STAG2: variants seen among roughly 807,000 people sequenced by gnomAD.
The protein encoded by STAG2 is STAG2 cohesin complex component.
A neutral mutation model predicts 108.1 loss-of-function variants in STAG2; 14 were observed. The observed-to-expected ratio is 0.13, with a 90% CI of 0.09 to 0.20. STAG2 has a LOEUF of 0.20. STAG2 is among the 10% of genes least tolerant of loss of function. STAG2 has a pLI of 1.00. For synonymous variants in STAG2, 307 were observed against 302.7 expected (o/e 1.01, Z -0.15); for missense variants, 440 against 940.9 (o/e 0.47, Z 6.96).
rs148609661 is a variant in STAG2 at position 124,041,426 on chromosome X, C to T, written c.386-1143C>T. 5.3e-3 allele frequency among the ~76,000 whole-genome samples: 575 copies of T among 109,353 alleles called. 4 individuals are homozygous for T. The highest frequency in any genetic ancestry group is 0.018 in the African/African-American group (539 of 30,060). The allele number at this position is 109,353 out of a possible 115,157, so 95.0% of individuals were successfully genotyped here. A position where few individuals can be genotyped will look rare whatever the true frequency, so the allele number is the denominator to read the frequency against. On this transcript the variant is annotated intron_variant, in intron 6 of 34. Coordinates refer to ENST00000371145, the MANE Select transcript of STAG2 (RefSeq NM_001042750.2). Reference sequence around the variant, plus strand: ...TTACAGCTATGTATATACACAGGCGCGCGCACACACACAGATGCATGCATA... The same window carrying T: ...TTACAGCTATGTATATACACAGGCGTGCGCACACACACAGATGCATGCATA...
chrX:124,050,868 G>C (rs774920076), intron 11 of STAG2, among the ~76,000 whole-genome samples: 2 of 111,530 alleles, frequency 1.8e-5, no homozygotes, highest in South Asian at 7.4e-4. Flanking sequence ...TTTCACAATA[G>C]ATTTGTTCTG....
chrX:124,063,701 C>T (rs2058444976), intron 19 of STAG2, 147 bp from the exon 20 acceptor site: 2 of 455,670 alleles, frequency 4.4e-6, no homozygotes, highest in Admixed American at 4.0e-5. Context: ...ATTTATTTAT[C>T]ATGATTAGAA....
intron 1 of STAG2, among the ~76,000 whole-genome samples, chrX:124,019,895 G>A (rs1027805781): frequency 3.9e-4 from 44 of 112,279 alleles, no homozygotes; most frequent in African/African-American, 1.4e-3. Context: ...TTGTGATTGC[G>A]CCACTGCACT....
chrX:123,986,160 T>C (rs768996352), intron 1 of STAG2, among the ~76,000 whole-genome samples: 2 of 107,035 alleles, frequency 1.9e-5, no homozygotes, highest in African/African-American at 6.7e-5. Flanking sequence ...ATGATATATA[T>C]GATACATATG....
intron 29 of STAG2, 110 bp from the exon 30 acceptor site, chrX:124,086,437 G>A: frequency 1.8e-6 from 1 of 541,711 alleles, no homozygotes; most frequent in East Asian, 3.5e-5. Flanking sequence ...TTAATGTCCT[G>A]TAAGGCTGAG....
intron 1 of STAG2, among the ~76,000 whole-genome samples, chrX:123,979,344 A>G (rs2147636236): frequency 9.0e-6 from 1 of 111,540 alleles, no homozygotes; most frequent in East Asian, 2.8e-4. Context: ...CTAGAATGTT[A>G]AGTGAGAGGA....
intron 1 of STAG2, chrX:123,963,342 A>C (rs1353135295): frequency 2.7e-5 from 3 of 111,555 alleles, no homozygotes; most frequent in Admixed American, 9.5e-5. Flanking sequence ...ATCTGAACTT[A>C]TTTTGTTAAA....
rs745329478 is a variant in STAG2, at chrX:124,049,047, A to G, written c.862A>G (p.Ile288Val). The G allele has an allele frequency of 1.9e-5, 23 of 1,199,370 alleles. No individual in the cohort carries two copies. The highest frequency in any genetic ancestry group is 1.6e-4 in the Admixed American group (7 of 45,031). ...QDEIENMMNA[I>V]FKGVFVHRYR... is the part of the protein sequence containing the mutation. ...TGAAATAGAAAATATGATGAATGCA[A>G]TATTTAAAGGAGTGTTTGTACATAG... Residue 288 changes from isoleucine (I) to valine (V), a missense_variant, in exon 10 of 35, where the codon ATA becomes GTA. Around this residue, in one of 3 missense-constraint regions of STAG2, gnomAD observed 69 missense variants for 254.9 expected, o/e 0.27. Coordinates refer to ENST00000371145, the MANE Select transcript of STAG2 (RefSeq NM_001042750.2).
At chrX:124,023,822 T>C (rs2057009018) in intron 3 of STAG2, among the ~76,000 whole-genome samples, 2 of 111,364 alleles carry the variant, frequency 1.8e-5, no homozygotes, top group South Asian at 7.6e-4. Flanking sequence ...AATAGGATAA[T>C]GAATAAAAGG....
At chrX:124,025,523 A>G (rs756865834) in intron 3 of STAG2, among the ~76,000 whole-genome samples, 3 of 111,181 alleles carry the variant, frequency 2.7e-5, no homozygotes, top group Non-Finnish European at 3.8e-5. Flanking sequence ...GGAACCAACG[A>G]TTACATGGAA....
At chrX:124,003,781 C>T (rs1282783081) in intron 1 of STAG2, 1 of 111,202 alleles carries the variant, frequency 9.0e-6, no homozygotes, top group East Asian at 2.8e-4. Flanking sequence ...CCTTTAGTTA[C>T]CAATTTTCAA....
At chrX:124,021,515 TAGG>T (rs1224213278) in intron 2 of STAG2, 84 bp downstream of exon 2, 1 of 112,261 alleles carries the variant, frequency 8.9e-6, no homozygotes, top group African/African-American at 3.2e-5. Flanking sequence ...TTTCTTCATT[TAGG>T]AAATGCATCC....
chrX:124,027,001 G>A (rs903824400), intron 4 of STAG2, among the ~76,000 whole-genome samples: 6 of 112,005 alleles, frequency 5.4e-5, no homozygotes, highest in Non-Finnish European at 1.1e-4. Flanking sequence ...TTGGGCTAAA[G>A]CAATTATCCT....
chrX:123,991,369 T>A (rs1245657196), intron 1 of STAG2, among the ~76,000 whole-genome samples: 5 of 111,433 alleles, frequency 4.5e-5, no homozygotes, highest in Non-Finnish European at 3.8e-5. Context: ...TTTTTTTTTT[T>A]TGAGACGGAG....
chrX:124,086,222 A>G (rs1017054991), intron 29 of STAG2, among the ~76,000 whole-genome samples: 11 of 111,795 alleles, frequency 9.8e-5, no homozygotes, highest in Non-Finnish European at 1.9e-4. Context: ...GCAAAATTAC[A>G]TATAAGCCTT....
intron 1 of STAG2, among the ~76,000 whole-genome samples, chrX:123,979,915 A>G (rs1163613510): frequency 8.9e-6 from 1 of 111,792 alleles, no homozygotes; most frequent in Non-Finnish European, 1.9e-5. Flanking sequence ...ACATATGTAC[A>G]TTTCTAGATA....
intron 29 of STAG2, among the ~76,000 whole-genome samples, chrX:124,084,502 G>A (rs2148452556): frequency 9.0e-6 from 1 of 110,713 alleles, no homozygotes; most frequent in East Asian, 2.8e-4. Flanking sequence ...ATTTTTAGTA[G>A]AGACAGGGTT....
At chrX:123,978,337 G>GT (rs755348352) in intron 1 of STAG2, among the ~76,000 whole-genome samples, 11 of 108,777 alleles carry the variant, frequency 1.0e-4, no homozygotes, top group Non-Finnish European at 1.9e-4. Flanking sequence ...CCCATTGTGT[G>GT]TTGTTTCCCC....
chrX:124,050,051 C>T (rs1253691572), intron 10 of STAG2, 135 bp from the exon 11 acceptor site: 6 of 769,257 alleles, frequency 7.8e-6, no homozygotes, highest in Non-Finnish European at 9.0e-6. Flanking sequence ...TGCTTCATTT[C>T]TATTTTTTAA....
Sources: allele counts gnomAD v4.1 joint callset (sites outside exome capture counted in the v4.1 genomes callset), GRCh38; gene constraint gnomAD v4.1.1; regional missense constraint gnomAD v4.1.1; transcripts MANE v1.5; gene names NCBI Gene and HGNC (gene_info 2026-07-23, HGNC 2026-07-21).